IRX3: variants seen among roughly 807,000 people sequenced by gnomAD.
IRX3 encodes iroquois homeobox 3, also known as iroquois-class homeodomain protein IRX-3.
IRX3 carries 20 observed loss-of-function variants against 36.4 expected under a neutral mutation model. The ratio of observed to expected loss-of-function variants is 0.55; its 90% CI spans 0.39 to 0.80. The LOEUF (loss-of-function observed/expected upper bound fraction) is 0.80. Ranked by LOEUF, IRX3 falls within the 30% of genes least tolerant of loss-of-function variation. The probability of loss-of-function intolerance (pLI) is 0.00; values close to 1 mark genes in which losing one functional copy is unlikely to be tolerated. For synonymous variants in IRX3, 404 were observed against 351.6 expected, an observed-to-expected ratio of 1.15 and a Z score of -1.67; for missense variants, 718 against 733.2, an observed-to-expected ratio of 0.98 and a Z score of 0.24.
Position 54,284,109 on chromosome 16 carries a change from C to T in IRX3, c.1451+137G>A. On this transcript the variant is annotated intron_variant, in intron 3 of 3. Coordinates refer to ENST00000329734, the MANE Select transcript of IRX3 (RefSeq NM_024336.3). This position sits in a 1 kb window ranked among gnomAD's most constrained non-coding sequence, Gnocchi z 4.0. ...CCGACAGGGGCGACTGAAAAAGTGA[C>T]TTTCGTCCCCTTTTACAAAATGCGT... is the stretch of plus-strand genomic sequence containing the variant. The T allele has an allele frequency of 8.8e-7, 1 of 1,134,478 alleles. No homozygotes were observed. Among genetic ancestry groups the T allele is most frequent in the African/African-American group, 1.6e-5 (1 of 63,032 alleles). The allele number at this position is 1,134,478 out of a possible 1,614,324, so 70.3% of individuals were successfully genotyped here.
In IRX3 at chr16:54,283,932, T is replaced by C; in HGVS notation, c.1452-192A>G. 1.0e-6 allele frequency: 1 copy of C among 985,354 alleles called. No homozygotes were observed. The highest frequency in any genetic ancestry group is 1.2e-6 in the Non-Finnish European group (1 of 829,900). The allele number at this position is 985,354 out of a possible 1,614,324, so 61.0% of individuals were successfully genotyped here. A position where few individuals can be genotyped will look rare whatever the true frequency, so the allele number is the denominator to read the frequency against. Reference sequence around the variant, plus strand: ...GCACGAGGCGTCAGGACCCGAGGTCTGGGGCTGGAAAGAGGTGGGCGTCAG... The same window carrying C: ...GCACGAGGCGTCAGGACCCGAGGTCCGGGGCTGGAAAGAGGTGGGCGTCAG... On this transcript the variant is annotated intron_variant, in intron 3 of 3. Transcript: ENST00000329734. This position sits in a 1 kb window ranked among gnomAD's most constrained non-coding sequence, Gnocchi z 4.4.
chr16:54,284,335 A>G lies in IRX3; in HGVS notation c.1385-23T>C. On this transcript the variant is annotated intron_variant, in intron 2 of 3. Coordinates refer to ENST00000329734, the MANE Select transcript of IRX3 (RefSeq NM_024336.3). This position sits in a 1 kb window ranked among gnomAD's most constrained non-coding sequence, Gnocchi z 4.0. ...GATCTAAGGGAAGCGGGGGAAGAAA[A>G]AGGAGGGCCTTTAGAGCGCTCGGTG... 6.2e-7 allele frequency: 1 copy of G among 1,601,318 alleles called. No homozygotes were observed. Among genetic ancestry groups the G allele is most frequent in the Non-Finnish European group, 8.5e-7 (1 of 1,174,632 alleles).
Position 54,283,671 on chromosome 16 carries a change from G to A in IRX3, c.*15C>T. 1.7e-6 allele frequency: 2 copies of A among 1,208,696 alleles called. No individual in the cohort carries two copies. The highest frequency in any genetic ancestry group is 2.4e-6 in the Non-Finnish European group (2 of 825,734). The allele number at this position is 1,208,696 out of a possible 1,614,324, so 74.9% of individuals were successfully genotyped here. A position where few individuals can be genotyped will look rare whatever the true frequency, so the allele number is the denominator to read the frequency against. On this transcript the variant is annotated 3_prime_UTR_variant, in exon 4 of 4. Transcript: ENST00000329734. This position sits in a 1 kb window ranked among gnomAD's most constrained non-coding sequence, Gnocchi z 4.4. ...TAAAAAAAGTTTTTTTTGTTTTTTT[G>A]TTTTTTTTAAAGAACTAGGATGAGG...
At position 54,284,085 on chromosome 16, in the gene IRX3, C is replaced by A. The variant is rs1408259771; in HGVS notation, c.1451+161G>T. On this transcript the variant is annotated intron_variant, in intron 3 of 3. Coordinates refer to ENST00000329734, the MANE Select transcript of IRX3 (RefSeq NM_024336.3). This position sits in a 1 kb window ranked among gnomAD's most constrained non-coding sequence, Gnocchi z 4.0. ...TGGACCTGGAGAGCTGTCGCAGGGC[C>A]GACAGGGGCGACTGAAAAAGTGACT... 2.7e-6 allele frequency: 3 copies of A among 1,106,624 alleles called. No homozygotes were observed. The highest frequency in any genetic ancestry group is 3.8e-6 in the Non-Finnish European group (3 of 794,244). The allele number at this position is 1,106,624 out of a possible 1,614,324, so 68.6% of individuals were successfully genotyped here. A position where few individuals can be genotyped will look rare whatever the true frequency, so the allele number is the denominator to read the frequency against.
chr16:54,285,210 C>G lies in IRX3; in HGVS notation c.671G>C (p.Arg224Pro), dbSNP rs1828710712. 1.9e-6 allele frequency: 3 copies of G among 1,606,016 alleles called. No individual in the cohort carries two copies. Among genetic ancestry groups the G allele is most frequent in the Non-Finnish European group, 2.6e-6 (3 of 1,176,438 alleles). ...CTCCTCCTCCTCCAGCTCTAGCTCG[C>G]GTTTGCCGTCCTCCTCGTCCTCCTC... Reference protein sequence around the residue: ...DEEEDEEDGKRELELEEEELG... With the variant: ...DEEEDEEDGKPELELEEEELG... Residue 224 changes from arginine to proline, a missense_variant, in exon 2 of 4, where the codon CGC becomes CCC. Physicochemically the swap from Arg to Pro is moderately radical, Grantham distance 103 (BLOSUM62 -2). Transcript: ENST00000329734. The surrounding 1 kb of genome is among the most constrained non-coding windows in gnomAD (Gnocchi z 5.7).
Position 54,284,023 on chromosome 16 carries a change from G to T in IRX3, c.1451+223C>A. The T allele has an allele frequency of 1.4e-6, 2 of 1,394,730 alleles. No individual in the cohort carries two copies. 86.4% of individuals were successfully genotyped at this position (1,394,730 alleles called of 1,614,324 possible). A position where few individuals can be genotyped will look rare whatever the true frequency, so the allele number is the denominator to read the frequency against. On this transcript the variant is annotated intron_variant, in intron 3 of 3. Transcript: ENST00000329734. The surrounding 1 kb of genome is among the most constrained non-coding windows in gnomAD (Gnocchi z 4.0). ...GCAAGGCTTCCCCTAGAAGGTACAA[G>T]CGCTGTACCCTCCGGCCGCGCCTGG...
rs1901271702 is a variant in IRX3 at position 54,284,704 on chromosome 16, C to T, written c.1177G>A (p.Ala393Thr). ...LQLSPAAAAA[A>T]AHRLVSAPLG... Reference sequence around the variant, plus strand: ...GGCGCTGAGACCAGTCTGTGAGCGGCGGCGGCGGCGGCGGCCGGAGAGAGC... The same window carrying T: ...GGCGCTGAGACCAGTCTGTGAGCGGTGGCGGCGGCGGCGGCCGGAGAGAGC... The change falls in exon 2 of 4, where the codon GCC becomes ACC. Residue 393 changes from alanine to threonine, a missense_variant. Transcript: ENST00000329734. This position sits in a 1 kb window ranked among gnomAD's most constrained non-coding sequence, Gnocchi z 4.0. 1.4e-6 allele frequency: 2 copies of T among 1,422,990 alleles called. No homozygotes were observed. The highest frequency in any genetic ancestry group is 1.8e-6 in the Non-Finnish European group (2 of 1,101,386). The allele number at this position is 1,422,990 out of a possible 1,614,324, so 88.1% of individuals were successfully genotyped here.
In IRX3 at chr16:54,284,248, C is replaced by T; in HGVS notation, c.1449G>A (p.Arg483=). Reference sequence around the variant, plus strand: ...CCCTCAACCTCGGGGTTTCTTACCGCCTGGGCACGGGCTGGAAAGCTGTCT... The same window carrying T: ...CCCTCAACCTCGGGGTTTCTTACCGTCTGGGCACGGGCTGGAAAGCTGTCT... The part of the protein sequence containing the change: ...LLKTAFQPVP[R]RPQNHLDAAL... Residue 483 remains arginine, a splice_region_variant and synonymous_variant, in exon 3 of 4, where the codon AGG becomes AGA. Coordinates refer to ENST00000329734, the MANE Select transcript of IRX3 (RefSeq NM_024336.3). This position sits in a 1 kb window ranked among gnomAD's most constrained non-coding sequence, Gnocchi z 4.0. 6.2e-7 allele frequency: 1 copy of T among 1,612,016 alleles called. No homozygotes were observed. The highest frequency in any genetic ancestry group is 8.5e-7 in the Non-Finnish European group (1 of 1,178,956).
chr16:54,284,783 A>T lies in IRX3; in HGVS notation c.1098T>A (p.Pro366=), dbSNP rs1901275716. Residue 366 remains proline, a synonymous_variant, in exon 2 of 4, where the codon CCT becomes CCA. Coordinates refer to ENST00000329734, the MANE Select transcript of IRX3 (RefSeq NM_024336.3). This position sits in a 1 kb window ranked among gnomAD's most constrained non-coding sequence, Gnocchi z 4.0. ...CCGGTGGAGACCCCCCCGCGCCGGG[A>T]GGCGAGCGGCGCGGGTTGTCCGGGC... The part of the protein sequence containing the change: ...ATSPDNPRRS[P]PGAGGSPPGA... The T allele has an allele frequency of 6.8e-7, 1 of 1,461,596 alleles. No individual in the cohort carries two copies. The highest frequency in any genetic ancestry group is 8.9e-7 in the Non-Finnish European group (1 of 1,118,490). 90.5% of individuals were successfully genotyped at this position (1,461,596 alleles called of 1,614,324 possible).
rs1420436793 is a variant in IRX3 at position 54,284,087 on chromosome 16, A to G, written c.1451+159T>C. On this transcript the variant is annotated intron_variant, in intron 3 of 3. Coordinates refer to ENST00000329734, the MANE Select transcript of IRX3 (RefSeq NM_024336.3). This position sits in a 1 kb window ranked among gnomAD's most constrained non-coding sequence, Gnocchi z 4.0. ...GACCTGGAGAGCTGTCGCAGGGCCGACAGGGGCGACTGAAAAAGTGACTTT... is the reference window on the plus strand; with the variant it reads ...GACCTGGAGAGCTGTCGCAGGGCCGGCAGGGGCGACTGAAAAAGTGACTTT... 3.6e-6 allele frequency: 4 copies of G among 1,117,148 alleles called. No individual in the cohort carries two copies. The highest frequency in any genetic ancestry group is 3.0e-4 in the Middle Eastern group (1 of 3,372). The allele number at this position is 1,117,148 out of a possible 1,614,324, so 69.2% of individuals were successfully genotyped here. A position where few individuals can be genotyped will look rare whatever the true frequency, so the allele number is the denominator to read the frequency against.
rs1901314976 is a variant in IRX3, at chr16:54,285,717, C to G, written c.267+67G>C. ...TGGCCTGCACCCCTCTAGTCCGGCC[C>G]CCGCGCGCTCAGCTCGCCCTGCGCC... On this transcript the variant is annotated intron_variant, in intron 1 of 3. Transcript: ENST00000329734. This position sits in a 1 kb window ranked among gnomAD's most constrained non-coding sequence, Gnocchi z 5.7. The G allele has an allele frequency of 5.5e-6, 8 of 1,465,232 alleles. No homozygotes were observed. The highest frequency in any genetic ancestry group is 7.2e-6 in the Non-Finnish European group (8 of 1,116,776). The allele number at this position is 1,465,232 out of a possible 1,614,324, so 90.8% of individuals were successfully genotyped here. A position where few individuals can be genotyped will look rare whatever the true frequency, so the allele number is the denominator to read the frequency against.
rs748649617 is a variant in IRX3, at chr16:54,285,226, C to T, written c.655G>A (p.Glu219Lys). 1.2e-6 allele frequency: 2 copies of T among 1,610,870 alleles called. No individual in the cohort carries two copies. The highest frequency in any genetic ancestry group is 1.7e-5 in the Admixed American group (1 of 59,314). ...TCTAGCTCGCGTTTGCCGTCCTCCT[C>T]GTCCTCCTCTTCGTCTTCCTCCTCG... ...EREEEDEEED[E>K]EDGKRELELE... The change falls in exon 2 of 4, where the codon GAG becomes AAG. Residue 219 changes from glutamate to lysine, a missense_variant. By Grantham distance (56) the Glu-to-Lys change is moderately conservative. Around this residue, in one of 3 missense-constraint regions of IRX3, gnomAD observed 468 missense variants for 462.1 expected, o/e 1.01. Transcript: ENST00000329734. The surrounding 1 kb of genome is among the most constrained non-coding windows in gnomAD (Gnocchi z 5.7).
In IRX3 at chr16:54,284,077, C is replaced by T. The variant is rs1483117143; in HGVS notation, c.1451+169G>A. The stretch of plus-strand genomic sequence containing the variant: ...GCCTGGGCTGGACCTGGAGAGCTGT[C>T]GCAGGGCCGACAGGGGCGACTGAAA... On this transcript the variant is annotated intron_variant, in intron 3 of 3. Transcript: ENST00000329734. The surrounding 1 kb of genome is among the most constrained non-coding windows in gnomAD (Gnocchi z 4.0). The T allele has an allele frequency of 1.7e-6, 2 of 1,150,556 alleles. No homozygotes were observed. Among genetic ancestry groups the T allele is most frequent in the Non-Finnish European group, 2.4e-6 (2 of 835,984 alleles). The allele number at this position is 1,150,556 out of a possible 1,614,324, so 71.3% of individuals were successfully genotyped here. A position where few individuals can be genotyped will look rare whatever the true frequency, so the allele number is the denominator to read the frequency against.
At position 54,285,211 on chromosome 16, in the gene IRX3, G is replaced by T. The variant is rs1253558899; in HGVS notation, c.670C>A (p.Arg224Ser). Residue 224 changes from arginine to serine, a missense_variant, in exon 2 of 4, where the codon CGC becomes AGC. Coordinates refer to ENST00000329734, the MANE Select transcript of IRX3 (RefSeq NM_024336.3). The surrounding 1 kb of genome is among the most constrained non-coding windows in gnomAD (Gnocchi z 5.7). ...TCCTCCTCCTCCAGCTCTAGCTCGC[G>T]TTTGCCGTCCTCCTCGTCCTCCTCT... ...DEEEDEEDGK[R>S]ELELEEEELG... The T allele has an allele frequency of 6.2e-7, 1 of 1,605,600 alleles. No individual in the cohort carries two copies. The highest frequency in any genetic ancestry group is 8.5e-7 in the Non-Finnish European group (1 of 1,176,508).
At position 54,285,078 on chromosome 16, in the gene IRX3, A is replaced by T. The variant is rs1420630493; in HGVS notation, c.803T>A (p.Leu268Gln). The change falls in exon 2 of 4, where the codon CTG becomes CAG. Residue 268 changes from leucine (L) to glutamine (Q), a missense_variant. Leu to Gln is a moderately radical substitution (Grantham distance 113). Coordinates refer to ENST00000329734, the MANE Select transcript of IRX3 (RefSeq NM_024336.3). The surrounding 1 kb of genome is among the most constrained non-coding windows in gnomAD (Gnocchi z 5.7). ...NLDGAATEPE[L>Q]SLAGAARRDG... ...CCTGCGCGCCGCCCCAGCCAGGGAC[A>T]GCTCAGGCTCGGTGGCCGCGCCGTC... 1 of 1,613,512 alleles carries T rather than the reference A, an allele frequency of 6.2e-7. No homozygotes were observed. Among genetic ancestry groups the T allele is most frequent in the Admixed American group, 1.7e-5 (1 of 59,982 alleles).
Position 54,284,816 on chromosome 16 carries a change from A to G in IRX3, c.1065T>C (p.Thr355=), listed in dbSNP as rs1295549853. 5 of 1,501,966 alleles carry G rather than the reference A, an allele frequency of 3.3e-6. No homozygotes were observed. The African/African-American group carries it at 5.7e-5, about 17-fold the overall frequency. 93.0% of individuals were successfully genotyped at this position (1,501,966 alleles called of 1,614,324 possible). Residue 355 remains threonine, a synonymous_variant, in exon 2 of 4, where the codon ACT becomes ACC. Transcript: ENST00000329734. This position sits in a 1 kb window ranked among gnomAD's most constrained non-coding sequence, Gnocchi z 4.0. The part of the protein sequence containing the change: ...QKPKIWSLAE[T]ATSPDNPRRS... ...GGCGCGGGTTGTCCGGGCTTGTGGC[A>G]GTCTCCGCGAGGGACCAGATCTTGG...
In IRX3 at chr16:54,286,127, C is replaced by T; in HGVS notation, c.-77G>A. The T allele has an allele frequency of 8.6e-7, 1 of 1,168,048 alleles. No individual in the cohort carries two copies. The highest frequency in any genetic ancestry group is 1.1e-6 in the Non-Finnish European group (1 of 940,584). The allele number at this position is 1,168,048 out of a possible 1,614,324, so 72.4% of individuals were successfully genotyped here. On this transcript the variant is annotated 5_prime_UTR_variant, in exon 1 of 4. Transcript: ENST00000329734. ...GCTCAGCGCCGCCCGCGGGCTCCGGCGCGCATCGGGGGCTGGGCCGGGCTT... is the reference window on the plus strand; with the variant it reads ...GCTCAGCGCCGCCCGCGGGCTCCGGTGCGCATCGGGGGCTGGGCCGGGCTT...
At position 54,286,061 on chromosome 16, in the gene IRX3, G is replaced by T. The variant is rs1319393679; in HGVS notation, c.-11C>A. On this transcript the variant is annotated 5_prime_UTR_variant, in exon 1 of 4. Coordinates refer to ENST00000329734, the MANE Select transcript of IRX3 (RefSeq NM_024336.3). ...CTGGGGGAAGGACATGGTGGCCCGC[G>T]GGGCACGGACGGAGAGGGGGGCCGA... 7.9e-7 allele frequency: 1 copy of T among 1,266,830 alleles called. No individual in the cohort carries two copies. The highest frequency in any genetic ancestry group is 3.1e-4 in the Middle Eastern group (1 of 3,214). 78.5% of individuals were successfully genotyped at this position (1,266,830 alleles called of 1,614,324 possible).
Position 54,283,685 on chromosome 16 carries a change from A to G in IRX3, c.*1T>C. The G allele has an allele frequency of 7.8e-7, 1 of 1,277,278 alleles. No homozygotes were observed. Among genetic ancestry groups the G allele is most frequent in the Non-Finnish European group, 1.1e-6 (1 of 873,820 alleles). The allele number at this position is 1,277,278 out of a possible 1,614,324, so 79.1% of individuals were successfully genotyped here. ...TTTGTTTTTTTGTTTTTTTTAAAGA[A>G]CTAGGATGAGGAGAGAGCCGATAAG... On this transcript the variant is annotated 3_prime_UTR_variant, in exon 4 of 4. Coordinates refer to ENST00000329734, the MANE Select transcript of IRX3 (RefSeq NM_024336.3). The surrounding 1 kb of genome is among the most constrained non-coding windows in gnomAD (Gnocchi z 4.4).
Sources: gnomAD v4.1 joint callset for allele counts on GRCh38, gnomAD v4.1.1 for gene constraint, gnomAD v4.1.1 regional missense constraint, Gnocchi (gnomAD v3.1) non-coding constraint, MANE v1.5 for transcripts, NCBI Gene and HGNC (gene_info 2026-07-23, HGNC 2026-07-21) for gene names.